P2RY12: variants seen among roughly 807,000 people sequenced by gnomAD.
P2RY12 encodes the protein purinergic receptor P2Y12.
In P2RY12, 3 loss-of-function variants were observed where a neutral mutation model predicts 4.5. The ratio of observed to expected loss-of-function variants is 0.67; its 90% CI spans 0.31 to 1.74. The LOEUF (loss-of-function observed/expected upper bound fraction) is 1.74. Among genes scored for constraint, P2RY12 ranks in the 40% most tolerant of loss-of-function variants. The pLI is 0.09. For missense variants in P2RY12, 356 were observed against 407.8 expected (o/e 0.87, Z 1.09); for synonymous variants, 148 against 154.1 (o/e 0.96, Z 0.29).
chr3:151,337,835 AT>A lies in P2RY12; in HGVS notation c.1010del (p.Asn337MetfsTer11). ...AATTTGTTTACATTGGAGTCTCTTC[AT>A]TTGGGTCACCACCATCCTGTTCTTT... is the stretch of plus-strand genomic sequence containing the variant. The part of the protein sequence containing the change: ...RKKEQDGGDP[N>X]EETPM On this transcript the variant is annotated frameshift_variant, in exon 3 of 3. Transcript: ENST00000302632. LOFTEE classifies it high-confidence loss of function. The A allele has an allele frequency of 6.2e-7, 1 of 1,613,982 alleles. No homozygotes were observed. The highest frequency in any genetic ancestry group is 8.5e-7 in the Non-Finnish European group (1 of 1,179,942).
chr3:151,379,384 A>G (rs936029849), intron 1 of P2RY12, among the ~76,000 whole-genome samples: 3 of 152,230 alleles, frequency 2.0e-5, no homozygotes, highest in African/African-American at 7.2e-5. Context: ...TGTCTTTCCA[A>G]CATGGCGCTT....
chr3:151,356,700 C>T (rs1166399864), intron 1 of P2RY12, among the ~76,000 whole-genome samples: 1 of 151,798 alleles, frequency 6.6e-6, no homozygotes, highest in Non-Finnish European at 1.5e-5. Context: ...TTTATTTGCT[C>T]TTTATAATAG....
Position 151,353,869 on chromosome 3 carries a change from C to T in P2RY12, c.-179-13109G>A, listed in dbSNP as rs371900869. Among the ~76,000 whole-genome samples the T allele has an allele frequency of 6.6e-5, 10 of 152,110 alleles. No individual in the cohort carries two copies. In the East Asian group the frequency reaches 9.7e-4, roughly 15 times the overall value. ...TTAGAATCACAGTGCTGGCCGGGCG[C>T]GGTGGCTCACGCCTGTAATCCCAGC... On this transcript the variant is annotated intron_variant, in intron 1 of 2. Transcript: ENST00000302632.
At position 151,338,174 on chromosome 3, in the gene P2RY12, C is replaced by G. The variant is rs533622869; in HGVS notation, c.672G>C (p.Arg224Ser). Residue 224 changes from arginine to serine, a missense_variant, in exon 3 of 3, where the codon AGG (arginine) becomes AGC (serine). Physicochemically the swap from Arg to Ser is moderately radical, Grantham distance 110. Coordinates refer to ENST00000302632, the MANE Select transcript of P2RY12 (RefSeq NM_022788.5). The part of the protein sequence containing the change: ...KELYRSYVRT[R>S]GVGKVPRKKV... The stretch of plus-strand genomic sequence containing the variant: ...TTTTCCTGGGGACTTTACCTACACC[C>G]CTCGTTCTTACGTATGACCGGTACA... 1.2e-5 allele frequency: 20 copies of G among 1,613,918 alleles called. No homozygotes were observed. The highest frequency in any genetic ancestry group is 1.7e-5 in the Non-Finnish European group (20 of 1,180,004).
intron 1 of P2RY12, among the ~76,000 whole-genome samples, chr3:151,383,565 T>G (rs766009594): frequency 1.3e-5 from 2 of 152,192 alleles, no homozygotes; most frequent in African/African-American, 2.4e-5. Flanking sequence ...CGTCCCTTCT[T>G]CATTTTAGTT....
chr3:151,369,015 C>T (rs976944876), intron 1 of P2RY12, among the ~76,000 whole-genome samples: 14 of 152,122 alleles, frequency 9.2e-5, no homozygotes, highest in Non-Finnish European at 2.9e-5. Flanking sequence ...CCTGCCTCGG[C>T]CTCCCAAAGT....
intron 1 of P2RY12, among the ~76,000 whole-genome samples, chr3:151,345,487 G>C (rs1465424951): frequency 1.3e-5 from 2 of 150,140 alleles, no homozygotes; most frequent in Non-Finnish European, 3.0e-5. Context: ...CTATTTGAAG[G>C]CTTCTACGTT....
At chr3:151,350,704 C>T (rs951811195) in intron 1 of P2RY12, among the ~76,000 whole-genome samples, 13 of 152,064 alleles carry the variant, frequency 8.5e-5, no homozygotes, top group African/African-American at 3.1e-4. Context: ...AAAATGATTG[C>T]AGTAGGTAGT....
At chr3:151,355,215 T>A in intron 1 of P2RY12, 1 of 1,612,916 alleles carries the variant, frequency 6.2e-7, no homozygotes, top group Non-Finnish European at 8.5e-7. Context: ...TTTCATATTT[T>A]GATCAACATC....
chr3:151,362,507 G>A (rs1056948865), intron 1 of P2RY12, among the ~76,000 whole-genome samples: 1 of 151,898 alleles, frequency 6.6e-6, no homozygotes, highest in Non-Finnish European at 1.5e-5. Context: ...CTTCACTCAC[G>A]ACTGTCTCCC....
chr3:151,355,770 G>GT (rs1753841806), intron 1 of P2RY12: 8 of 708,070 alleles, frequency 1.1e-5, no homozygotes, highest in Non-Finnish European at 1.7e-5. Flanking sequence ...ATAGAAACAC[G>GT]TTTTGACTTT....
rs1185679288 is a variant in P2RY12, at chr3:151,338,282, T to C, written c.564A>G (p.Glu188=). The C allele has an allele frequency of 6.2e-7, 1 of 1,614,020 alleles. No homozygotes were observed. The highest frequency in any genetic ancestry group is 8.5e-7 in the Non-Finnish European group (1 of 1,179,996). The change falls in exon 3 of 3, where the codon GAA becomes GAG. Residue 188 remains glutamate, a synonymous_variant. Transcript: ENST00000302632. ...TGACTTGACAGATGTAATTTACTATTTCATGCCAGACTAGACCGAACTCTG... is the reference window on the plus strand; with the variant it reads ...TGACTTGACAGATGTAATTTACTATCTCATGCCAGACTAGACCGAACTCTG... ...LKSEFGLVWH[E]IVNYICQVIF...
At chr3:151,351,340 A>G (rs1268126676) in intron 1 of P2RY12, among the ~76,000 whole-genome samples, 1 of 152,174 alleles carries the variant, frequency 6.6e-6, no homozygotes, top group African/African-American at 2.4e-5. Flanking sequence ...GTCAGAGGTG[A>G]TAGTCCTCAG....
intron 1 of P2RY12, chr3:151,366,089 T>G: frequency 1.9e-6 from 2 of 1,034,416 alleles, no homozygotes; most frequent in Non-Finnish European, 2.7e-6. Flanking sequence ...TTGATTCAAC[T>G]GAAATGTTAT....
intron 1 of P2RY12, among the ~76,000 whole-genome samples, chr3:151,364,258 C>T (rs959397077): frequency 6.6e-6 from 1 of 152,204 alleles, no homozygotes; most frequent in Non-Finnish European, 1.5e-5. Context: ...TCCTGTTATA[C>T]TTCTAGTAGT....
chr3:151,367,469 T>A (rs1755426461), intron 1 of P2RY12, among the ~76,000 whole-genome samples: 1 of 152,228 alleles, frequency 6.6e-6, no homozygotes, highest in Non-Finnish European at 1.5e-5. Flanking sequence ...ATTCATTGTT[T>A]TATAAAATAG....
At chr3:151,382,001 T>G (rs570660798) in intron 1 of P2RY12, among the ~76,000 whole-genome samples, 2 of 152,322 alleles carry the variant, frequency 1.3e-5, no homozygotes, top group South Asian at 2.1e-4. Context: ...ATTGCACTTT[T>G]TTTTTGCTCA....
At chr3:151,365,195 G>C (rs748864434) in intron 1 of P2RY12, 5 of 1,613,244 alleles carry the variant, frequency 3.1e-6, no homozygotes, top group Non-Finnish European at 4.2e-6. Flanking sequence ...TGGGCCATCA[G>C]GATGCTGGCA....
In P2RY12 at chr3:151,372,642, A is replaced by G. The variant is rs750683088; in HGVS notation, c.-180+12050T>C. ...TTCACCATGAGAGGTTTGCGATGTG[A>G]TGGGAATGCTGATGATATCTGGACT... On this transcript the variant is annotated intron_variant, in intron 1 of 2. Transcript: ENST00000302632. 72 of 1,613,820 alleles carry G rather than the reference A, an allele frequency of 4.5e-5. No homozygotes were observed. The highest frequency in any genetic ancestry group is 1.6e-4 in the Middle Eastern group (1 of 6,080).
Sources: gnomAD v4.1 joint callset for allele counts (sites outside exome capture counted in the v4.1 genomes callset) on GRCh38, gnomAD v4.1.1 for gene constraint, MANE v1.5 for transcripts, NCBI Gene and HGNC (gene_info 2026-07-23, HGNC 2026-07-21) for gene names.